The following PDK1 variants were observed in gnomAD, a reference collection of about 807,000 sequenced individuals.
PDK1 encodes the protein pyruvate dehydrogenase kinase 1, also known as [Pyruvate dehydrogenase (acetyl-transferring)] kinase isozyme 1, mitochondrial.
PDK1 carries 39 observed loss-of-function variants against 54.2 expected under a neutral mutation model. The ratio of observed to expected loss-of-function variants is 0.72; its 90% CI spans 0.56 to 0.94. PDK1 has a LOEUF of 0.94. Among genes scored for constraint, PDK1 ranks in the 40% least tolerant of loss-of-function variants. The pLI, the probability that PDK1 is intolerant of heterozygous loss-of-function variation, is 0.00. For missense variants in PDK1, 552 were observed against 566.0 expected (o/e 0.98, Z 0.25); for synonymous variants, 221 against 207.1 (o/e 1.07, Z -0.58).
the PDK1 span, among the ~76,000 whole-genome samples, chr2:172,712,148 A>T: frequency 1.3e-5 from 2 of 152,206 alleles, no homozygotes; most frequent in Admixed American, 1.3e-4. Context: ...CTGTTTTGTT[A>T]GAACCCATGG....
At chr2:172,659,995 AGATGCAGAGGATGTTCT>A in the PDK1 span, among the ~76,000 whole-genome samples, 1 of 152,136 alleles carries the variant, frequency 6.6e-6, no homozygotes, top group East Asian at 1.9e-4. Context: ...TGAGGGAATG[AGATGCAGAGGATGTTCT>A]GATGCTGCAT....
the PDK1 span, among the ~76,000 whole-genome samples, chr2:172,636,361 G>A: frequency 6.6e-6 from 1 of 152,082 alleles, no homozygotes; most frequent in Non-Finnish European, 1.5e-5. Context: ...GAGAGAGGGC[G>A]GGAGAGAGAG....
At chr2:172,636,104 G>C in the PDK1 span, among the ~76,000 whole-genome samples, 2 of 152,332 alleles carry the variant, frequency 1.3e-5, no homozygotes, top group South Asian at 4.1e-4. Flanking sequence ...TCAGCACACA[G>C]TCACCTCCAC....
the PDK1 span, among the ~76,000 whole-genome samples, chr2:172,711,475 C>T: frequency 6.6e-6 from 1 of 152,136 alleles, no homozygotes; most frequent in Non-Finnish European, 1.5e-5. Flanking sequence ...ATTTCCATTC[C>T]TTAATGGAAG....
At chr2:172,721,303 C>T in the PDK1 span, among the ~76,000 whole-genome samples, 4 of 152,126 alleles carry the variant, frequency 2.6e-5, no homozygotes, top group Non-Finnish European at 4.4e-5. Context: ...TTTTTGTTTG[C>T]TTTCTACATC....
At chr2:172,560,250 C>G (rs1688582910) in intron 2 of PDK1, among the ~76,000 whole-genome samples, 1 of 152,230 alleles carries the variant, frequency 6.6e-6, no homozygotes. Context: ...GTCTTGACCT[C>G]CTGGGGTCAA....
the PDK1 span, among the ~76,000 whole-genome samples, chr2:172,657,485 G>T: frequency 7.5e-6 from 1 of 133,966 alleles, no homozygotes; most frequent in African/African-American, 2.7e-5. Context: ...TTTATTATGT[G>T]CAGGTTGTAT....
intron 8 of PDK1, among the ~76,000 whole-genome samples, chr2:172,573,198 A>G (rs115656348): frequency 0.013 from 1,933 of 152,316 alleles, 46 homozygotes; most frequent in African/African-American, 0.043. Flanking sequence ...ACCATTTTGC[A>G]TTGTCATCAA....
At chr2:172,679,509 G>T in the PDK1 span, among the ~76,000 whole-genome samples, 1 of 152,152 alleles carries the variant, frequency 6.6e-6, no homozygotes, top group Non-Finnish European at 1.5e-5. Context: ...GCAACAAGAT[G>T]AAGTCATGAA....
the PDK1 span, among the ~76,000 whole-genome samples, chr2:172,686,554 G>A: frequency 7.9e-5 from 12 of 152,202 alleles, no homozygotes; most frequent in Admixed American, 4.6e-4. Flanking sequence ...GGACATGGGC[G>A]GGGACAAATA....
intron 6 of PDK1, 116 bp downstream of exon 6, chr2:172,567,049 G>A (rs1688993113): frequency 3.2e-6 from 2 of 615,858 alleles, no homozygotes; most frequent in Middle Eastern, 4.4e-4. Context: ...GGATATGAAG[G>A]CTAAAGGATA....
At chr2:172,577,875 A>G (rs1689664119) in intron 8 of PDK1, among the ~76,000 whole-genome samples, 1 of 152,166 alleles carries the variant, frequency 6.6e-6, no homozygotes, top group South Asian at 2.1e-4. Flanking sequence ...AAATATACTC[A>G]TATTTTCCTT....
the PDK1 span, among the ~76,000 whole-genome samples, chr2:172,714,925 A>G: frequency 1.6e-4 from 25 of 152,364 alleles, no homozygotes; most frequent in African/African-American, 6.0e-4. Flanking sequence ...GATAAGAGCA[A>G]ACAGAAAATG....
At chr2:172,680,799 T>C in the PDK1 span, among the ~76,000 whole-genome samples, 112 of 152,266 alleles carry the variant, frequency 7.4e-4, 1 homozygote, top group Middle Eastern at 3.4e-3. Flanking sequence ...AATAAGACAA[T>C]GGGTATTGTG....
the PDK1 span, among the ~76,000 whole-genome samples, chr2:172,699,865 A>C: frequency 6.6e-6 from 1 of 151,956 alleles, no homozygotes; most frequent in Non-Finnish European, 1.5e-5. Context: ...TAAACATGTG[A>C]ACAAAGGTCT....
chr2:172,700,873 C>A, the PDK1 span, among the ~76,000 whole-genome samples: 1 of 152,180 alleles, frequency 6.6e-6, no homozygotes, highest in Non-Finnish European at 1.5e-5. Context: ...CATGGCGGCG[C>A]ACGCCTGCAA....
chr2:172,621,717 T>TCA, the PDK1 span, among the ~76,000 whole-genome samples: 14 of 137,684 alleles, frequency 1.0e-4, no homozygotes, highest in South Asian at 2.2e-4. Flanking sequence ...ATCAAACATG[T>TCA]TATATGTTTA....
rs1223961786 is a variant in PDK1 at position 172,581,548 on chromosome 2, TC to T, written c.946-4729del. Among the ~76,000 whole-genome samples the T allele has an allele frequency of 2.6e-5, 4 of 152,330 alleles. No individual in the cohort carries two copies. In the South Asian group the frequency reaches 6.2e-4, roughly 24 times the overall value. ...CTTGTAAAGGTCTCAAAAAGACTGT[TC>T]TAGAAGTCCTGTCTGTATTAGGCTC... is the stretch of plus-strand genomic sequence containing the variant. On this transcript the variant is annotated intron_variant, in intron 8 of 10. Coordinates refer to ENST00000282077, the MANE Select transcript of PDK1 (RefSeq NM_002610.5).
the PDK1 span, among the ~76,000 whole-genome samples, chr2:172,613,857 C>T: frequency 5.1e-3 from 782 of 152,282 alleles, 11 homozygotes; most frequent in African/African-American, 0.018. Flanking sequence ...GTAGACCCTC[C>T]TGCTCTACGG....
Sources: gnomAD v4.1 joint callset for allele counts (sites outside exome capture counted in the v4.1 genomes callset) on GRCh38, gnomAD v4.1.1 for gene constraint, MANE v1.5 for transcripts, NCBI Gene and HGNC (gene_info 2026-07-23, HGNC 2026-07-21) for gene names.